PLA2R1: variants seen among roughly 807,000 people sequenced by gnomAD.
PLA2R1 encodes secretory phospholipase A2 receptor.
In PLA2R1, 158 loss-of-function variants were observed where a neutral mutation model predicts 195.9. That is an observed-to-expected ratio of 0.81 (90% CI 0.71 to 0.92). The LOEUF (loss-of-function observed/expected upper bound fraction) is 0.92, where lower values mean the gene tolerates loss of function less well. Among genes scored for constraint, PLA2R1 ranks in the 40% least tolerant of loss-of-function variants. PLA2R1 has a pLI of 0.00. For synonymous variants in PLA2R1, 586 were observed against 598.2 expected (o/e 0.98, Z 0.30); for missense variants, 1,626 against 1,764.6 (o/e 0.92, Z 1.41).
chr2:159,924,641 A>G, the PLA2R1 span, among the ~76,000 whole-genome samples: 9 of 144,882 alleles, frequency 6.2e-5, no homozygotes, highest in Non-Finnish European at 1.5e-5. Context: ...CTATTGCTGA[A>G]TGCTTTGGGC....
chr2:159,931,713 T>A (rs1405851339), downstream of PLA2R1, among the ~76,000 whole-genome samples: 1 of 152,114 alleles, frequency 6.6e-6, no homozygotes, highest in Non-Finnish European at 1.5e-5. Context: ...CTTTTTTGTA[T>A]TTTTTTCAGA....
chr2:160,021,111 A>C (rs953497545), intron 7 of PLA2R1, among the ~76,000 whole-genome samples: 11 of 152,284 alleles, frequency 7.2e-5, no homozygotes, highest in African/African-American at 2.6e-4. Flanking sequence ...TAAAGATAGG[A>C]GTTTTTTTTT....
chr2:160,022,907 C>A, intron 6 of PLA2R1, 48 bp from the exon 7 acceptor site: 1 of 1,308,648 alleles, frequency 7.6e-7, no homozygotes. Context: ...ATTATTTTAA[C>A]ATTACTTATT....
rs1337933866 is a variant in PLA2R1, at chr2:159,977,303, C to T, written c.2382G>A (p.Trp794Ter). 6.2e-7 allele frequency: 1 copy of T among 1,611,992 alleles called. No homozygotes were observed. Among genetic ancestry groups the T allele is most frequent in the East Asian group, 2.2e-5 (1 of 44,838 alleles). Reference sequence around the variant, plus strand: ...TTTTACCTCTTGGGATTTTGCATATCCATTCACGTTTGGAACCACAGTGTA... The same window carrying T: ...TTTTACCTCTTGGGATTTTGCATATTCATTCACGTTTGGAACCACAGTGTA... ...LPLHCGSKRE[W>*]ICKIPRDVKP... Residue 794 changes from tryptophan to a stop codon, truncating the protein, a stop_gained, in exon 15 of 30, where the codon TGG (tryptophan) becomes TGA (stop). Transcript: ENST00000283243. LOFTEE classifies it high-confidence loss of function.
intron 1 of PLA2R1, among the ~76,000 whole-genome samples, chr2:160,057,801 C>G (rs1350582294): frequency 6.6e-6 from 1 of 152,200 alleles, no homozygotes; most frequent in African/African-American, 2.4e-5. Flanking sequence ...GTTTCCTTCT[C>G]ACACCCTCTA....
chr2:159,965,500 G>C (rs142929990), intron 20 of PLA2R1, among the ~76,000 whole-genome samples: 1 of 152,122 alleles, frequency 6.6e-6, no homozygotes, highest in African/African-American at 2.4e-5. Context: ...TTAGCACTGA[G>C]TAATATTCCA....
chr2:160,018,493 A>T (rs548782403), intron 8 of PLA2R1, among the ~76,000 whole-genome samples: 24 of 152,286 alleles, frequency 1.6e-4, no homozygotes, highest in African/African-American at 5.8e-4. Context: ...TTAGCCAGGC[A>T]TGCTGGTGCA....
rs1251888381 is a variant in PLA2R1, at chr2:159,937,641, C to G, written c.*4137G>C. 1 of 152,322 alleles carries G rather than the reference C, an allele frequency of 6.6e-6. No homozygotes were observed. The highest frequency in any genetic ancestry group is 6.5e-5 in the Admixed American group (1 of 15,296). 9.4% of individuals were successfully genotyped at this position (152,322 alleles called of 1,614,324 possible). The stretch of plus-strand genomic sequence containing the variant: ...CAACACATGCTTCACTTTGCTTTCA[C>G]CAGACTTTTTCTACAGCTTGTTCTC... On this transcript the variant is annotated 3_prime_UTR_variant, in exon 30 of 30. Coordinates refer to ENST00000283243, the MANE Select transcript of PLA2R1 (RefSeq NM_007366.5).
At chr2:160,037,143 ACTC>A (rs1354528639) in intron 3 of PLA2R1, among the ~76,000 whole-genome samples, 3 of 151,460 alleles carry the variant, frequency 2.0e-5, no homozygotes, top group Non-Finnish European at 2.9e-5. Context: ...AGCCACCACT[ACTC>A]CTGGCCCAGA....
chr2:159,955,389 C>T (rs1422311086), intron 22 of PLA2R1, 43 bp from the exon 23 acceptor site: 4 of 1,262,740 alleles, frequency 3.2e-6, no homozygotes, highest in Non-Finnish European at 3.3e-6. Flanking sequence ...TAACATATAG[C>T]ATTATTATAA....
At chr2:160,049,253 C>T (rs1326944753) in intron 1 of PLA2R1, among the ~76,000 whole-genome samples, 1 of 152,058 alleles carries the variant, frequency 6.6e-6, no homozygotes, top group Non-Finnish European at 1.5e-5. Flanking sequence ...ATTTCAGATC[C>T]ACTCTTTGGC....
downstream of PLA2R1, among the ~76,000 whole-genome samples, chr2:159,929,429 G>T (rs1686542052): frequency 6.6e-6 from 1 of 152,134 alleles, no homozygotes; most frequent in African/African-American, 2.4e-5. Context: ...CAGGGGAAAT[G>T]CAAATTGAAA....
At chr2:159,951,668 C>T in intron 23 of PLA2R1, 90 bp from the exon 24 acceptor site, 1 of 724,292 alleles carries the variant, frequency 1.4e-6, no homozygotes, top group Non-Finnish European at 2.5e-6. Flanking sequence ...TCACTATGAT[C>T]CATGTTGATC....
chr2:159,948,347 G>C (rs974261581), intron 25 of PLA2R1, among the ~76,000 whole-genome samples: 1 of 151,784 alleles, frequency 6.6e-6, no homozygotes, highest in Non-Finnish European at 1.5e-5. Flanking sequence ...TGATCCTCCA[G>C]CCTCAGCCTC....
At chr2:159,968,257 A>G (rs1688917335) in intron 19 of PLA2R1, among the ~76,000 whole-genome samples, 1 of 151,066 alleles carries the variant, frequency 6.6e-6, no homozygotes. Flanking sequence ...AATTTAGAAG[A>G]GCTATATTTT....
At chr2:160,060,259 C>T (rs748868824) in intron 1 of PLA2R1, among the ~76,000 whole-genome samples, 1 of 152,184 alleles carries the variant, frequency 6.6e-6, no homozygotes, top group Non-Finnish European at 1.5e-5. Context: ...GTACAGTGAA[C>T]ACAGCGGTAA....
In PLA2R1 at chr2:159,949,622, C is replaced by CA. The variant is rs1281309092; in HGVS notation, c.3694dup (p.Cys1232LeufsTer6). On this transcript the variant is annotated frameshift_variant, in exon 25 of 30. Coordinates refer to ENST00000283243, the MANE Select transcript of PLA2R1 (RefSeq NM_007366.5). LOFTEE classifies it high-confidence loss of function. ...ATTGAACCTACCAGGTGGCACATGA[C>CA]AAATGGCACCTTGCAGAAATGACTC... 1 of 1,613,790 alleles carries CA rather than the reference C, an allele frequency of 6.2e-7. No homozygotes were observed. Among genetic ancestry groups the CA allele is most frequent in the Admixed American group, 1.7e-5 (1 of 60,002 alleles).
intron 18 of PLA2R1, among the ~76,000 whole-genome samples, chr2:159,969,666 C>A (rs867544458): frequency 6.6e-6 from 1 of 152,120 alleles, no homozygotes; most frequent in Admixed American, 6.5e-5. Flanking sequence ...CTTAGCCCCC[C>A]CAAGTAGCTG....
intron 8 of PLA2R1, among the ~76,000 whole-genome samples, chr2:160,018,142 A>G (rs541623230): frequency 6.6e-6 from 1 of 152,324 alleles, no homozygotes; most frequent in African/African-American, 2.4e-5. Flanking sequence ...AAAAGGGGCC[A>G]TAAAATATTA....
Sources: gnomAD v4.1 joint callset for allele counts (sites outside exome capture counted in the v4.1 genomes callset) on GRCh38, gnomAD v4.1.1 for gene constraint, MANE v1.5 for transcripts, NCBI Gene and HGNC (gene_info 2026-07-23, HGNC 2026-07-21) for gene names.